The following PHF21B variants were observed in gnomAD, a reference collection of about 807,000 sequenced individuals.
PHF21B encodes the protein PHD finger protein 4.
Under a neutral mutation model 62.2 loss-of-function variants are expected in PHF21B, and 22 were observed. The observed-to-expected ratio is 0.35, with a 90% CI of 0.25 to 0.51. PHF21B has a LOEUF of 0.51. Ranked by LOEUF, PHF21B falls within the 20% of genes least tolerant of loss-of-function variation. PHF21B has a pLI of 0.97. For synonymous variants in PHF21B, 341 were observed against 314.7 expected (o/e 1.08, Z -0.88); for missense variants, 701 against 707.9 (o/e 0.99, Z 0.11).
At chr22:44,938,375 A>G (rs2071890426) in intron 2 of PHF21B, among the ~76,000 whole-genome samples, 1 of 152,224 alleles carries the variant, frequency 6.6e-6, no homozygotes, top group Non-Finnish European at 1.5e-5. Context: ...CTGGGATTAC[A>G]GGCACCTGCC....
intron 2 of PHF21B, among the ~76,000 whole-genome samples, chr22:44,978,727 C>CA (rs1217191195): frequency 6.6e-6 from 1 of 152,238 alleles, no homozygotes; most frequent in African/African-American, 2.4e-5. Context: ...AATGACCGCC[C>CA]TTTTTTCCTC....
intron 3 of PHF21B, among the ~76,000 whole-genome samples, chr22:44,918,297 T>G (rs1407482210): frequency 6.6e-6 from 1 of 152,208 alleles, no homozygotes; most frequent in Non-Finnish European, 1.5e-5. Flanking sequence ...ATCTGGGGTT[T>G]GCCCACATGT....
chr22:44,913,701 A>G (rs1007086557), intron 5 of PHF21B, 121 bp downstream of exon 5: 11 of 1,369,348 alleles, frequency 8.0e-6, no homozygotes, highest in Non-Finnish European at 1.1e-5. Flanking sequence ...TGCACAGGGC[A>G]GCTGTGCCCA....
chr22:44,984,165 C>A, intron 2 of PHF21B, among the ~76,000 whole-genome samples: 1 of 137,856 alleles, frequency 7.3e-6, no homozygotes, highest in Non-Finnish European at 1.6e-5. Flanking sequence ...CCATCACCAC[C>A]ATCATCACCA....
chr22:44,884,798 C>T (rs2070824850), intron 12 of PHF21B, among the ~76,000 whole-genome samples: 2 of 151,144 alleles, frequency 1.3e-5, no homozygotes, highest in Admixed American at 6.6e-5. Flanking sequence ...TTACGACCAA[C>T]ACCATATCAT....
chr22:44,914,568 G>A (rs922736725), intron 4 of PHF21B, among the ~76,000 whole-genome samples: 2 of 152,236 alleles, frequency 1.3e-5, no homozygotes, highest in Non-Finnish European at 2.9e-5. Flanking sequence ...CAGAGGAGCT[G>A]GGAACCCCTC....
intron 2 of PHF21B, among the ~76,000 whole-genome samples, chr22:44,961,922 G>C (rs1258435841): frequency 6.6e-6 from 1 of 152,032 alleles, no homozygotes; most frequent in African/African-American, 2.4e-5. Context: ...CTGCATTCAT[G>C]TTGTTGCAAA....
At chr22:44,904,301 A>G (rs1283204526) in intron 5 of PHF21B, among the ~76,000 whole-genome samples, 1 of 151,250 alleles carries the variant, frequency 6.6e-6, no homozygotes, top group Non-Finnish European at 1.5e-5. Flanking sequence ...TTTTTTTTTC[A>G]GTCTACACTT....
At chr22:44,992,042 A>C (rs971457997) in intron 2 of PHF21B, among the ~76,000 whole-genome samples, 1 of 152,232 alleles carries the variant, frequency 6.6e-6, no homozygotes, top group Non-Finnish European at 1.5e-5. Flanking sequence ...CCCCAGATGC[A>C]AACGTCCCTT....
At chr22:44,944,017 G>C (rs1352419605) in intron 2 of PHF21B, among the ~76,000 whole-genome samples, 1 of 152,168 alleles carries the variant, frequency 6.6e-6, no homozygotes, top group Admixed American at 6.5e-5. Flanking sequence ...GCTGGGCCTG[G>C]GGTCCGAAAA....
intron 2 of PHF21B, among the ~76,000 whole-genome samples, chr22:44,976,964 C>G (rs554517083): frequency 3.2e-3 from 489 of 152,092 alleles, no homozygotes; most frequent in Non-Finnish European, 5.7e-3. Context: ...ATGGCAAAAC[C>G]CTGTGTCTAC....
At chr22:44,935,749 C>T (rs891712428) in intron 2 of PHF21B, among the ~76,000 whole-genome samples, 1 of 152,220 alleles carries the variant, frequency 6.6e-6, no homozygotes, top group Non-Finnish European at 1.5e-5. Context: ...AGCTGTTTAA[C>T]CTCCTGAGCC....
At chr22:44,980,068 CAAAAAAAAAAAAAAAAA>C (rs71190605) in intron 2 of PHF21B, among the ~76,000 whole-genome samples, 1 of 57,198 alleles carries the variant, frequency 1.7e-5, no homozygotes, top group Non-Finnish European at 3.0e-5. Context: ...GACTTCGTCT[CAAAAAAAAAAAAAAAAA>C]AAAAAAAAAA....
At position 44,895,917 on chromosome 22, in the gene PHF21B, C is replaced by G. The variant is rs142637767; in HGVS notation, c.883+115G>C. ...ACTGCAGCAGTGTGAGGCCACGCTC[C>G]ACCCATATCGGCTGCTGCTGAAGCC... On this transcript the variant is annotated intron_variant, in intron 6 of 12. Transcript: ENST00000313237. 194 of 1,125,212 alleles carry G rather than the reference C, an allele frequency of 1.7e-4. 1 individual carries two copies. The African/African-American group carries it at 2.5e-3, about 14-fold the overall frequency. The allele number at this position is 1,125,212 out of a possible 1,614,324, so 69.7% of individuals were successfully genotyped here.
intron 2 of PHF21B, among the ~76,000 whole-genome samples, chr22:44,943,256 G>A (rs1467709306): frequency 6.6e-6 from 1 of 152,166 alleles, no homozygotes; most frequent in Non-Finnish European, 1.5e-5. Context: ...CAGTCCCTGT[G>A]CCTGTCCCCC....
At chr22:44,967,883 G>A (rs1458237325) in intron 2 of PHF21B, among the ~76,000 whole-genome samples, 1 of 152,182 alleles carries the variant, frequency 6.6e-6, no homozygotes, top group Non-Finnish European at 1.5e-5. Flanking sequence ...GACGGGTCAG[G>A]AATTTCGCAG....
intron 7 of PHF21B, among the ~76,000 whole-genome samples, chr22:44,891,655 G>C (rs2070968240): frequency 6.6e-6 from 1 of 152,256 alleles, no homozygotes; most frequent in Non-Finnish European, 1.5e-5. Context: ...AGGGCCGTCA[G>C]TGGGACACAT....
At chr22:44,986,120 AACCATC>A (rs1049333209) in intron 2 of PHF21B, among the ~76,000 whole-genome samples, 13 of 133,868 alleles carry the variant, frequency 9.7e-5, no homozygotes, top group Admixed American at 9.6e-4. Context: ...TCACCATGAC[AACCATC>A]ACCAGCAGCA....
chr22:44,935,256 C>A (rs2071821889), intron 2 of PHF21B, among the ~76,000 whole-genome samples: 1 of 152,162 alleles, frequency 6.6e-6, no homozygotes, highest in Non-Finnish European at 1.5e-5. Flanking sequence ...CTCCCCGAGC[C>A]CCAGTTTCCC....
Sources: gnomAD v4.1 joint callset for allele counts (sites outside exome capture counted in the v4.1 genomes callset) on GRCh38, gnomAD v4.1.1 for gene constraint, MANE v1.5 for transcripts, NCBI Gene and HGNC (gene_info 2026-07-23, HGNC 2026-07-21) for gene names.